The following VWA7 variants were observed in gnomAD, a reference collection of about 807,000 sequenced individuals.
VWA7 encodes the protein von Willebrand factor A domain-containing protein 7.
Under a neutral mutation model 83.1 loss-of-function variants are expected in VWA7, and 66 were observed. The observed-to-expected ratio is 0.79, with a 90% CI of 0.65 to 0.98. The LOEUF (loss-of-function observed/expected upper bound fraction) is 0.98. Among genes scored for constraint, VWA7 ranks in the 50% least tolerant of loss-of-function variants. The pLI is 0.00. For missense variants in VWA7, 1,080 were observed against 1,160.2 expected, an observed-to-expected ratio of 0.93 and a Z score of 1.00; for synonymous variants, 424 against 488.5, an observed-to-expected ratio of 0.87 and a Z score of 1.74.
chr6:31,768,872 A>G lies in VWA7; in HGVS notation c.1503+146T>C, dbSNP rs916521042. On this transcript the variant is annotated intron_variant, in intron 10 of 16. Coordinates refer to ENST00000375688, the MANE Select transcript of VWA7 (RefSeq NM_025258.3). ...AAAAAAAAGAAGTGGCTAGTCATGG[A>G]TCTAAGAGGAAGAGAAACTTCCTTT... is the stretch of plus-strand genomic sequence containing the variant. 2.0e-5 allele frequency: 18 copies of G among 899,298 alleles called. No homozygotes were observed. In the African/African-American group the frequency reaches 2.6e-4, roughly 13 times the overall value. 55.7% of individuals were successfully genotyped at this position (899,298 alleles called of 1,614,324 possible). A position where few individuals can be genotyped will look rare whatever the true frequency, so the allele number is the denominator to read the frequency against.
chr6:31,769,230 T>C lies in VWA7; in HGVS notation c.1318-27A>G, dbSNP rs765241372. On this transcript the variant is annotated intron_variant, in intron 9 of 16. Coordinates refer to ENST00000375688, the MANE Select transcript of VWA7 (RefSeq NM_025258.3). The surrounding 1 kb of genome is among the most constrained non-coding windows in gnomAD (Gnocchi z 4.5). ...TGTACCCAGAAGAGAGCTCAGTGATTGGGGTGTCCAAGTGCCATCCACTAT... is the reference window on the plus strand; with the variant it reads ...TGTACCCAGAAGAGAGCTCAGTGATCGGGGTGTCCAAGTGCCATCCACTAT... 1 of 1,601,756 alleles carries C rather than the reference T, an allele frequency of 6.2e-7. No individual in the cohort carries two copies. Among genetic ancestry groups the C allele is most frequent in the South Asian group, 1.1e-5 (1 of 90,436 alleles).
chr6:31,772,721 T>G (rs1235925019), intron 7 of VWA7, among the ~76,000 whole-genome samples: 1 of 150,122 alleles, frequency 6.7e-6, no homozygotes, highest in Non-Finnish European at 1.5e-5. Flanking sequence ...TGCCTCAGCC[T>G]CCCGAGTAGC....
intron 13 of VWA7, 92 bp downstream of exon 13, chr6:31,767,064 TTA>T (rs974149732): frequency 5.6e-6 from 2 of 354,952 alleles, no homozygotes; most frequent in African/African-American, 4.3e-5. Flanking sequence ...CATATATACA[TTA>T]TATATATAAT....
Position 31,766,466 on chromosome 6 carries a change from CAGA to C in VWA7, c.2178_2180del (p.Leu727del). On this transcript the variant is annotated inframe_deletion, in exon 14 of 17. Coordinates refer to ENST00000375688, the MANE Select transcript of VWA7 (RefSeq NM_025258.3). The surrounding 1 kb of genome is among the most constrained non-coding windows in gnomAD (Gnocchi z 4.9). ...GCACTTTCCCCTGGCGTCTCACCTC[CAGA>C]AGGACAGGGACTACAGTGCTAGGCT... is the stretch of plus-strand genomic sequence containing the variant. 1 of 1,593,088 alleles carries C rather than the reference CAGA, an allele frequency of 6.3e-7. No homozygotes were observed. Among genetic ancestry groups the C allele is most frequent in the African/African-American group, 1.3e-5 (1 of 74,560 alleles).
rs989558800 is a variant in VWA7, at chr6:31,775,694, G to A, written c.514-265C>T. Among the ~76,000 whole-genome samples, 5 of 152,290 alleles carry A rather than the reference G, an allele frequency of 3.3e-5. 1 individual carries two copies. The highest frequency in any genetic ancestry group is 3.9e-4 in the East Asian group (2 of 5,184). On this transcript the variant is annotated intron_variant, in intron 3 of 16. Transcript: ENST00000375688. The surrounding 1 kb of genome is among the most constrained non-coding windows in gnomAD (Gnocchi z 5.9). ...CTCTCGGCCTGCAGAGTCCTGCTGCGTGTGCTGCTCCCTCAGCTCTCTGAC... is the reference window on the plus strand; with the variant it reads ...CTCTCGGCCTGCAGAGTCCTGCTGCATGTGCTGCTCCCTCAGCTCTCTGAC...
At chr6:31,770,205 C>T (rs889015395) in intron 7 of VWA7, 92 bp from the exon 8 acceptor site, 35 of 964,992 alleles carry the variant, frequency 3.6e-5, no homozygotes, top group Non-Finnish European at 5.0e-5. Flanking sequence ...GCCTGGTGTG[C>T]TTCTGGAGCC....
chr6:31,766,608 C>T lies in VWA7; in HGVS notation c.2039G>A (p.Arg680Gln), dbSNP rs28400004. 5.0e-3 allele frequency: 8,144 copies of T among 1,613,038 alleles called. 67 individuals are homozygous for T. The highest frequency in any genetic ancestry group is 0.024 in the Middle Eastern group (147 of 6,062). The change falls in exon 14 of 17, where the codon CGA becomes CAA. Residue 680 changes from arginine to glutamine, a missense_variant. Physicochemically the swap from Arg to Gln is conservative, Grantham distance 43 (BLOSUM62 1). Transcript: ENST00000375688. This position sits in a 1 kb window ranked among gnomAD's most constrained non-coding sequence, Gnocchi z 4.9. ...VPLEPVGPPERGLLAASLSPT... is the reference protein window; with the variant it reads ...VPLEPVGPPEQGLLAASLSPT... ...CGACAGCGAGGCTGCGAGGAGACCT[C>T]GCTCCGGAGGTCCCACGGGCTCCAA...
chr6:31,770,626 A>G (rs1812087256), intron 7 of VWA7, among the ~76,000 whole-genome samples: 1 of 147,690 alleles, frequency 6.8e-6, no homozygotes, highest in South Asian at 2.2e-4. Flanking sequence ...AGGGCGGGGC[A>G]GGGCAGGGCA....
intron 4 of VWA7, 68 bp from the exon 5 acceptor site, chr6:31,774,694 A>C: frequency 7.5e-7 from 1 of 1,341,268 alleles, no homozygotes; most frequent in East Asian, 2.5e-5. Context: ...CACCCACCCA[A>C]ACCTTTTCAG....
Position 31,773,244 on chromosome 6 carries a change from G to T in VWA7, c.915C>A (p.Ser305=). 1 of 1,601,898 alleles carries T rather than the reference G, an allele frequency of 6.2e-7. No homozygotes were observed. The highest frequency in any genetic ancestry group is 2.2e-5 in the East Asian group (1 of 44,530). ...LRSRLGDRDF[S]RLLDITPASS... is the part of the protein sequence containing the mutation. ...TCCATCCCCAGGAGGCCACTCACCT[G>T]GAGAAATCCCTGTCTCCCAGGCGGC... Residue 305 remains serine, a splice_region_variant and synonymous_variant, in exon 6 of 17, where the codon TCC becomes TCA. Transcript: ENST00000375688. The surrounding 1 kb of genome is among the most constrained non-coding windows in gnomAD (Gnocchi z 5.3).
Position 31,775,293 on chromosome 6 carries a change from C to T in VWA7, c.610+40G>A. Reference sequence around the variant, plus strand: ...CAGTGGCTGGGTGGACTGAGGTGGCCCTGTGGACTCCTGCCTCACCACCAG... The same window carrying T: ...CAGTGGCTGGGTGGACTGAGGTGGCTCTGTGGACTCCTGCCTCACCACCAG... On this transcript the variant is annotated intron_variant, in intron 4 of 16. Transcript: ENST00000375688. The surrounding 1 kb of genome is among the most constrained non-coding windows in gnomAD (Gnocchi z 5.9). 6.4e-7 allele frequency: 1 copy of T among 1,555,456 alleles called. No individual in the cohort carries two copies. The highest frequency in any genetic ancestry group is 2.3e-5 in the East Asian group (1 of 43,984).
chr6:31,768,906 G>T, intron 10 of VWA7, 112 bp downstream of exon 10: 1 of 1,199,978 alleles, frequency 8.3e-7, no homozygotes. Context: ...TTCCTGCCCC[G>T]TGACTGGAAG....
intron 7 of VWA7, among the ~76,000 whole-genome samples, chr6:31,770,957 G>T (rs1468612340): frequency 7.1e-6 from 1 of 141,504 alleles, no homozygotes; most frequent in Non-Finnish European, 1.5e-5. Context: ...AGGCATGATT[G>T]TACCATTGCA....
Position 31,765,750 on chromosome 6 carries a change from G to A in VWA7, c.2520C>T (p.Thr840=), listed in dbSNP as rs754463009. 10 of 1,587,832 alleles carry A rather than the reference G, an allele frequency of 6.3e-6. No homozygotes were observed. The highest frequency in any genetic ancestry group is 1.8e-5 in the Admixed American group (1 of 57,028). ...TGGTGAGGATCGGGTCAGATGAGCC[G>A]GTAGGGGTGGTGTGCCGGTCCTGTG... ...PAPQDRHTTP[T]GSSDPILTTA... Residue 840 remains threonine, a synonymous_variant, in exon 17 of 17, where the codon ACC becomes ACT. Transcript: ENST00000375688.
intron 4 of VWA7, 48 bp from the exon 5 acceptor site, chr6:31,774,674 C>G: frequency 6.6e-7 from 1 of 1,511,290 alleles, no homozygotes; most frequent in Non-Finnish European, 9.0e-7. Context: ...CCACCCCCAG[C>G]CTTTATCCCC....
rs753383987 is a variant in VWA7, at chr6:31,766,736, C to A, written c.1911G>T (p.Val637=). The A allele has an allele frequency of 1.2e-6, 2 of 1,606,644 alleles. No homozygotes were observed. Among genetic ancestry groups the A allele is most frequent in the South Asian group, 1.1e-5 (1 of 90,790 alleles). Residue 637 remains valine (V), a synonymous_variant, in exon 14 of 17, where the codon GTG becomes GTT. Coordinates refer to ENST00000375688, the MANE Select transcript of VWA7 (RefSeq NM_025258.3). The surrounding 1 kb of genome is among the most constrained non-coding windows in gnomAD (Gnocchi z 4.9). The part of the protein sequence containing the change: ...AGLQTQLLVE[V]TGLGSRANPG... ...GATTGGCTCTGGAACCCAACCCTGT[C>A]ACTTCTACCAGCAGCTGGGTCTGAA...
At chr6:31,772,574 T>A (rs1228458285) in intron 7 of VWA7, among the ~76,000 whole-genome samples, 1 of 145,098 alleles carries the variant, frequency 6.9e-6, no homozygotes, top group Non-Finnish European at 1.5e-5. Context: ...CTTTTTTTTT[T>A]CTTTCTTTTC....
chr6:31,776,390 G>A lies in VWA7; in HGVS notation c.235-148C>T, dbSNP rs545086780. ...CAGTCCCGGACCTTTCTAAGGAGGG[G>A]GACTCCTAATTTCAGGACCAAGACT... On this transcript the variant is annotated intron_variant, in intron 2 of 16. Coordinates refer to ENST00000375688, the MANE Select transcript of VWA7 (RefSeq NM_025258.3). The surrounding 1 kb of genome is among the most constrained non-coding windows in gnomAD (Gnocchi z 6.2). 1 of 1,289,824 alleles carries A rather than the reference G, an allele frequency of 7.8e-7. No individual in the cohort carries two copies. The highest frequency in any genetic ancestry group is 1.5e-5 in the South Asian group (1 of 67,020). The allele number at this position is 1,289,824 out of a possible 1,614,324, so 79.9% of individuals were successfully genotyped here.
rs146648894 is a variant in VWA7, at chr6:31,776,238, C to T, written c.239G>A (p.Arg80Gln). 1.4e-5 allele frequency: 23 copies of T among 1,613,014 alleles called. No homozygotes were observed. The highest frequency in any genetic ancestry group is 1.7e-4 in the Middle Eastern group (1 of 6,060). The change falls in exon 3 of 17, where the codon CGA becomes CAA. Residue 80 changes from arginine to glutamine, a missense_variant. By Grantham distance (43) the Arg-to-Gln change is conservative (BLOSUM62 1). Coordinates refer to ENST00000375688, the MANE Select transcript of VWA7 (RefSeq NM_025258.3). The surrounding 1 kb of genome is among the most constrained non-coding windows in gnomAD (Gnocchi z 6.2). ...PPLRLEDFLG[R>Q]TLLADDLFAA... ...AAAGAGGTCATCAGCAAGGAGTGTTCGACCCTGGGGAGAATAGCGGGCGAC... is the reference window on the plus strand; with the variant it reads ...AAAGAGGTCATCAGCAAGGAGTGTTTGACCCTGGGGAGAATAGCGGGCGAC...
Sources: gnomAD v4.1 joint callset for allele counts (sites outside exome capture counted in the v4.1 genomes callset) on GRCh38, gnomAD v4.1.1 for gene constraint, Gnocchi (gnomAD v3.1) non-coding constraint, MANE v1.5 for transcripts, NCBI Gene and HGNC (gene_info 2026-07-23, HGNC 2026-07-21) for gene names.